Variants in EVA1C observed in about 807,000 individuals in gnomAD.
The protein encoded by EVA1C is protein eva-1 homolog C.
EVA1C carries 25 observed loss-of-function variants against 45.4 expected under a neutral mutation model. The observed-to-expected ratio is 0.55, with a 90% CI of 0.40 to 0.77. EVA1C has a LOEUF of 0.77. EVA1C is among the 30% of genes least tolerant of loss of function. The pLI is 0.00. For synonymous variants in EVA1C, 190 were observed against 221.2 expected (o/e 0.86, Z 1.25); for missense variants, 479 against 554.8 (o/e 0.86, Z 1.37).
intron 4 of EVA1C, among the ~76,000 whole-genome samples, chr21:32,488,327 T>C (rs1426235785): frequency 6.6e-6 from 1 of 152,184 alleles, no homozygotes; most frequent in Non-Finnish European, 1.5e-5. Context: ...AGAAGAGGGA[T>C]TGCTGGGTCA....
In EVA1C at chr21:32,468,383, CAAACAAACAAAAAAACA is replaced by C. The variant is rs1219922438; in HGVS notation, c.634+554_634+570del. ...GCAAGACCCTGTCTCAAAAAACAAA[CAAACAAACAAAAAAACA>C]AAACAAACAAAAAAACAAGAACTTA... is the stretch of plus-strand genomic sequence containing the variant. On this transcript the variant is annotated intron_variant, in intron 4 of 7. Transcript: ENST00000300255. Among the ~76,000 whole-genome samples the C allele has an allele frequency of 2.1e-3, 276 of 130,270 alleles. 1 individual carries two copies. Among genetic ancestry groups the C allele is most frequent in the Middle Eastern group, 7.5e-3 (2 of 268 alleles). The allele number at this position is 130,270 out of a possible 152,430, so 85.5% of individuals were successfully genotyped here.
intron 7 of EVA1C, among the ~76,000 whole-genome samples, chr21:32,510,042 C>CTT (rs1192427034): frequency 7.2e-6 from 1 of 138,744 alleles, no homozygotes; most frequent in Non-Finnish European, 1.5e-5. Context: ...TTCCGACATT[C>CTT]CTTTTTTTTT....
At chr21:32,461,025 C>T (rs903795082) in intron 3 of EVA1C, among the ~76,000 whole-genome samples, 5 of 152,228 alleles carry the variant, frequency 3.3e-5, no homozygotes, top group Non-Finnish European at 5.9e-5. Context: ...GGATCACAGG[C>T]GTGAACCACA....
intron 1 of EVA1C, among the ~76,000 whole-genome samples, chr21:32,438,256 G>A (rs930983598): frequency 3.9e-5 from 6 of 152,092 alleles, no homozygotes; most frequent in Non-Finnish European, 2.9e-5. Flanking sequence ...CAGCACTTTG[G>A]GAGGCCAAGG....
chr21:32,460,773 T>G (rs2035968279), intron 3 of EVA1C, among the ~76,000 whole-genome samples: 2 of 118,192 alleles, frequency 1.7e-5, no homozygotes, highest in African/African-American at 7.0e-5. Flanking sequence ...TTGGATAGGG[T>G]CTCACTCCAT....
chr21:32,445,390 A>C lies in EVA1C; in HGVS notation c.161-7922A>C, dbSNP rs116392530. Among the ~76,000 whole-genome samples, 633 of 152,304 alleles carry C rather than the reference A, an allele frequency of 4.2e-3. 7 individuals carry two copies. Among genetic ancestry groups the C allele is most frequent in the African/African-American group, 0.014 (601 of 41,550 alleles). On this transcript the variant is annotated intron_variant, in intron 1 of 7. Transcript: ENST00000300255. Reference sequence around the variant, plus strand: ...TCAACAGAAATATTTTCAAGTAAAGATCTTGGGGCCTGCAAGGAATCTCCT... The same window carrying C: ...TCAACAGAAATATTTTCAAGTAAAGCTCTTGGGGCCTGCAAGGAATCTCCT...
chr21:32,504,336 T>A (rs2037654909), intron 7 of EVA1C, among the ~76,000 whole-genome samples: 1 of 152,202 alleles, frequency 6.6e-6, no homozygotes, highest in Non-Finnish European at 1.5e-5. Context: ...GGAACTAGGA[T>A]TATTGAATTC....
intron 2 of EVA1C, among the ~76,000 whole-genome samples, chr21:32,455,337 C>T (rs1239969264): frequency 2.0e-5 from 3 of 152,152 alleles, no homozygotes; most frequent in Non-Finnish European, 2.9e-5. Context: ...CAAACAAAAA[C>T]AGTATTAATC....
At chr21:32,427,722 A>AAAAAATAGGCAGAGGCC (rs1257096624) in intron 1 of EVA1C, among the ~76,000 whole-genome samples, 12 of 148,532 alleles carry the variant, frequency 8.1e-5, no homozygotes, top group Non-Finnish European at 1.6e-4. Flanking sequence ...AGGGGAAAAA[A>AAAAAATAGGCAGAGGCC]AAAAATAGGC....
intron 5 of EVA1C, among the ~76,000 whole-genome samples, chr21:32,499,168 A>G (rs976377478): frequency 6.6e-6 from 1 of 152,224 alleles, no homozygotes; most frequent in Non-Finnish European, 1.5e-5. Context: ...ATTTGCCAAG[A>G]GCCAAGGCCC....
intron 1 of EVA1C, among the ~76,000 whole-genome samples, chr21:32,418,945 C>G (rs1057403474): frequency 5.2e-5 from 5 of 96,440 alleles, no homozygotes; most frequent in African/African-American, 2.1e-4. Context: ...GTCAGAACTT[C>G]TGTTCTTGCC....
intron 3 of EVA1C, among the ~76,000 whole-genome samples, chr21:32,463,692 G>C (rs957265111): frequency 4.6e-5 from 7 of 151,016 alleles, no homozygotes; most frequent in Non-Finnish European, 8.8e-5. Flanking sequence ...AAATCAAAGA[G>C]ATGTGGCTAA....
chr21:32,514,247 G>A (rs2038063607), intron 7 of EVA1C, among the ~76,000 whole-genome samples: 1 of 152,090 alleles, frequency 6.6e-6, no homozygotes, highest in Admixed American at 6.5e-5. Context: ...ATCTGAAAAA[G>A]GACAGAATTA....
In EVA1C at chr21:32,453,468, G is replaced by C. The variant is rs1156641353; in HGVS notation, c.317G>C (p.Arg106Thr). The C allele has an allele frequency of 1.9e-6, 3 of 1,610,910 alleles. No individual in the cohort carries two copies. The African/African-American group carries it at 4.0e-5, about 22-fold the overall frequency. Residue 106 changes from arginine (R) to threonine (T), a missense_variant, in exon 2 of 8, where the codon AGG becomes ACG. Physicochemically the swap from Arg to Thr is moderately conservative, Grantham distance 71. Coordinates refer to ENST00000300255, the MANE Select transcript of EVA1C (RefSeq NM_058187.5). ...MCSSQKPASQ[R>T]EDSLTCVAAT... Reference sequence around the variant, plus strand: ...AGTTCCCAGAAGCCTGCCTCCCAGAGGGAAGACAGCTTAACCTGTGTGGCA... The same window carrying C: ...AGTTCCCAGAAGCCTGCCTCCCAGACGGAAGACAGCTTAACCTGTGTGGCA...
intron 4 of EVA1C, among the ~76,000 whole-genome samples, chr21:32,479,089 T>TA (rs1660348630): frequency 1.3e-5 from 2 of 152,240 alleles, no homozygotes; most frequent in South Asian, 4.1e-4. Flanking sequence ...AATATCTTGT[T>TA]ATCACATGTA....
chr21:32,494,902 A>ATTCTCT, intron 4 of EVA1C, 125 bp from the exon 5 acceptor site: 7 of 1,033,102 alleles, frequency 6.8e-6, no homozygotes, highest in Non-Finnish European at 7.1e-6. Flanking sequence ...ACAGAAAATA[A>ATTCTCT]GCAGAGAAAC....
At chr21:32,504,742 G>A (rs1377542620) in intron 7 of EVA1C, among the ~76,000 whole-genome samples, 1 of 152,180 alleles carries the variant, frequency 6.6e-6, no homozygotes, top group East Asian at 1.9e-4. Context: ...TAACAGTATT[G>A]CTATTCAAGG....
chr21:32,423,058 G>A (rs2034343918), intron 1 of EVA1C, among the ~76,000 whole-genome samples: 1 of 99,274 alleles, frequency 1.0e-5, no homozygotes, highest in Non-Finnish European at 1.8e-5. Flanking sequence ...GCAGCAGAGT[G>A]AGACTCTGTC....
chr21:32,433,763 C>T (rs1437655038), intron 1 of EVA1C, among the ~76,000 whole-genome samples: 5 of 152,036 alleles, frequency 3.3e-5, no homozygotes, highest in African/African-American at 1.2e-4. Context: ...ACCCCCAGCA[C>T]CTCAAAATGT....
Sources: allele counts gnomAD v4.1 joint callset (sites outside exome capture counted in the v4.1 genomes callset), GRCh38; gene constraint gnomAD v4.1.1; transcripts MANE v1.5; gene names NCBI Gene and HGNC (gene_info 2026-07-23, HGNC 2026-07-21).